Variants in SETBP1 observed in about 807,000 individuals in gnomAD.
The protein encoded by SETBP1 is SET binding protein 1, also known as SET-binding protein.
A neutral mutation model predicts 101.0 loss-of-function variants in SETBP1; 9 were observed. That is an observed-to-expected ratio of 0.09 (90% CI 0.05 to 0.16). SETBP1 has a LOEUF of 0.16. Ranked by LOEUF, SETBP1 falls within the 10% of genes least tolerant of loss-of-function variation. SETBP1 has a pLI of 1.00. For missense variants in SETBP1, 1,858 were observed against 2,033.8 expected, an observed-to-expected ratio of 0.91 and a Z score of 1.66; for synonymous variants, 818 against 788.5, an observed-to-expected ratio of 1.04 and a Z score of -0.63.
At position 44,952,850 on chromosome 18, in the gene SETBP1, G is replaced by C; in HGVS notation, c.3510G>C (p.Leu1170=). The C allele has an allele frequency of 6.2e-7, 1 of 1,614,108 alleles. No individual in the cohort carries two copies. Among genetic ancestry groups the C allele is most frequent in the Non-Finnish European group, 8.5e-7 (1 of 1,180,030 alleles). Residue 1170 remains leucine, a synonymous_variant, in exon 4 of 6, where the codon CTG becomes CTC. Coordinates refer to ENST00000649279, the MANE Select transcript of SETBP1 (RefSeq NM_015559.3). ...EDRILGTHDN[L]SGLFAGKATG... ...GGATCCTAGGGACCCATGACAACCTGAGTGGTCTTTTTGCAGGCAAAGCCA... is the reference window on the plus strand; with the variant it reads ...GGATCCTAGGGACCCATGACAACCTCAGTGGTCTTTTTGCAGGCAAAGCCA...
chr18:45,034,412 G>A (rs2073354557), intron 4 of SETBP1, among the ~76,000 whole-genome samples: 1 of 152,144 alleles, frequency 6.6e-6, no homozygotes, highest in African/African-American at 2.4e-5. Flanking sequence ...CATAAATCAA[G>A]TCCCTAATGC....
chr18:44,900,431 C>T (rs918817244), intron 3 of SETBP1, among the ~76,000 whole-genome samples: 1 of 152,202 alleles, frequency 6.6e-6, no homozygotes, highest in South Asian at 2.1e-4. Context: ...TAGTTGTGAA[C>T]ACACCTCAAA....
In SETBP1 at chr18:44,902,685, T is replaced by TA. The variant is rs572187643; in HGVS notation, c.540+33409dup. 7.9e-3 allele frequency among the ~76,000 whole-genome samples: 1,202 copies of TA among 152,252 alleles called. 9 individuals are homozygous for TA. The highest frequency in any genetic ancestry group is 0.013 in the Non-Finnish European group (881 of 68,008). ...TTTTATAAATGTTCATGTCTTTTTATAAAAAAAGATGCTATTGATATTCTG... is the reference window on the plus strand; with the variant it reads ...TTTTATAAATGTTCATGTCTTTTTATAAAAAAAAGATGCTATTGATATTCTG... On this transcript the variant is annotated intron_variant, in intron 3 of 5. Transcript: ENST00000649279.
At chr18:44,763,234 A>G (rs2070697128) in intron 2 of SETBP1, among the ~76,000 whole-genome samples, 1 of 152,240 alleles carries the variant, frequency 6.6e-6, no homozygotes, top group African/African-American at 2.4e-5. Context: ...TAAATAGTTG[A>G]AGTTATGAAA....
intron 3 of SETBP1, among the ~76,000 whole-genome samples, chr18:44,901,075 A>G (rs968884990): frequency 6.6e-6 from 1 of 152,224 alleles, no homozygotes; most frequent in African/African-American, 2.4e-5. Flanking sequence ...AAAACAGAAC[A>G]AACTGTTTAA....
intron 2 of SETBP1, among the ~76,000 whole-genome samples, chr18:44,726,869 C>T (rs2069719454): frequency 1.3e-5 from 2 of 152,168 alleles, no homozygotes; most frequent in South Asian, 4.1e-4. Context: ...TGTGCACACA[C>T]TCTGTTTCTG....
intron 2 of SETBP1, among the ~76,000 whole-genome samples, chr18:44,862,355 T>C (rs1200157135): frequency 6.6e-6 from 1 of 152,228 alleles, no homozygotes; most frequent in Non-Finnish European, 1.5e-5. Context: ...AAATTAAGAC[T>C]GGAGGTGTCA....
intron 3 of SETBP1, among the ~76,000 whole-genome samples, chr18:44,930,887 T>A (rs12150717): frequency 4.0e-5 from 6 of 151,438 alleles, no homozygotes; most frequent in South Asian, 2.1e-4. Flanking sequence ...AAAAAAAAAC[T>A]GCTCCTGGAT....
chr18:44,934,651 G>T (rs1252936326), intron 3 of SETBP1, among the ~76,000 whole-genome samples: 2 of 152,258 alleles, frequency 1.3e-5, no homozygotes, highest in African/African-American at 4.8e-5. Context: ...TAGATTATTT[G>T]ATTCACTTGT....
intron 4 of SETBP1, among the ~76,000 whole-genome samples, chr18:44,967,403 T>C (rs2071744741): frequency 6.6e-6 from 1 of 152,206 alleles, no homozygotes; most frequent in Non-Finnish European, 1.5e-5. Flanking sequence ...GCCATAAAAA[T>C]GCAGTGATAA....
At chr18:44,830,467 G>A (rs1022499869) in intron 2 of SETBP1, among the ~76,000 whole-genome samples, 28 of 152,302 alleles carry the variant, frequency 1.8e-4, no homozygotes, top group African/African-American at 6.7e-4. Context: ...AATCTTGGCA[G>A]CATCTCTAAA....
At chr18:44,868,617 C>A (rs1174879290) in intron 2 of SETBP1, among the ~76,000 whole-genome samples, 1 of 150,324 alleles carries the variant, frequency 6.7e-6, no homozygotes, top group Admixed American at 6.6e-5. Flanking sequence ...ATTGCTTGAA[C>A]CTGGGAGACG....
At chr18:44,680,724 C>T (rs1379753185), upstream of SETBP1, among the ~76,000 whole-genome samples, 1 of 152,008 alleles carries the variant, frequency 6.6e-6, no homozygotes, top group Non-Finnish European at 1.5e-5. Flanking sequence ...TATTGAGTTT[C>T]GCCTAATCTG....
chr18:45,015,955 C>A (rs1246712825), intron 4 of SETBP1, among the ~76,000 whole-genome samples: 1 of 152,168 alleles, frequency 6.6e-6, no homozygotes, highest in Non-Finnish European at 1.5e-5. Context: ...AGAAGTATTA[C>A]CATTTTACAC....
At chr18:44,956,752 A>T (rs2071491689) in intron 4 of SETBP1, among the ~76,000 whole-genome samples, 1 of 152,198 alleles carries the variant, frequency 6.6e-6, no homozygotes. Flanking sequence ...CATTACCATT[A>T]TGGAGAGAGG....
intron 5 of SETBP1, among the ~76,000 whole-genome samples, chr18:45,046,575 C>G (rs539611100): frequency 6.6e-6 from 1 of 152,250 alleles, no homozygotes; most frequent in Non-Finnish European, 1.5e-5. Context: ...AATATGCACG[C>G]ATATGTGTCT....
intron 4 of SETBP1, among the ~76,000 whole-genome samples, chr18:44,991,453 A>T (rs1212930796): frequency 1.3e-5 from 2 of 152,098 alleles, no homozygotes; most frequent in African/African-American, 4.8e-5. Flanking sequence ...AAAATAGATA[A>T]ATAGGAATAG....
In SETBP1 at chr18:45,066,832, G is replaced by A. The variant is rs1234606966; in HGVS notation, c.*3134G>A. ...TAAGCAGATGCAGACCCACTTGTAA[G>A]GAGTCTGGTTAGTGATGAGAAAAGG... On this transcript the variant is annotated 3_prime_UTR_variant, in exon 6 of 6. Coordinates refer to ENST00000649279, the MANE Select transcript of SETBP1 (RefSeq NM_015559.3). 1 of 152,098 alleles carries A rather than the reference G, an allele frequency of 6.6e-6. No homozygotes were observed. Among genetic ancestry groups the A allele is most frequent in the East Asian group, 1.9e-4 (1 of 5,188 alleles). The allele number at this position is 152,098 out of a possible 1,614,324, so 9.4% of individuals were successfully genotyped here. A position where few individuals can be genotyped will look rare whatever the true frequency, so the allele number is the denominator to read the frequency against.
intron 4 of SETBP1, among the ~76,000 whole-genome samples, chr18:44,985,355 AG>A (rs2072209107): frequency 6.6e-6 from 1 of 152,186 alleles, no homozygotes. Flanking sequence ...TAACTTGTTC[AG>A]AGTCTAGTTT....
Sources: allele counts gnomAD v4.1 joint callset (sites outside exome capture counted in the v4.1 genomes callset), GRCh38; gene constraint gnomAD v4.1.1; transcripts MANE v1.5; gene names NCBI Gene and HGNC (gene_info 2026-07-23, HGNC 2026-07-21).